The following OTOG variants were observed in gnomAD, a reference collection of about 807,000 sequenced individuals.
The protein encoded by OTOG is otogelin.
A neutral mutation model predicts 313.8 loss-of-function variants in OTOG; 296 were observed. The ratio of observed to expected loss-of-function variants is 0.94; its 90% confidence interval spans 0.86 to 1.04. The LOEUF is 1.04. Among genes scored for constraint, OTOG ranks in the 50% least tolerant of loss-of-function variants. The pLI is 0.00. For missense variants in OTOG, 3,948 were observed against 3,840.1 expected (o/e 1.03, Z -0.74); for synonymous variants, 1,533 against 1,554.9 (o/e 0.99, Z 0.33).
At chr11:17,559,197 C>A in intron 11 of OTOG, 36 bp downstream of exon 11, 1 of 1,453,842 alleles carries the variant, frequency 6.9e-7, no homozygotes, top group Non-Finnish European at 9.3e-7. Flanking sequence ...GGGAGGCCTT[C>A]AGGCTGTGGG....
intron 34 of OTOG, 48 bp from the exon 35 acceptor site, chr11:17,609,082 C>T: frequency 7.0e-7 from 1 of 1,423,748 alleles, no homozygotes; most frequent in Non-Finnish European, 9.7e-7. Flanking sequence ...AAAGAGATGG[C>T]CCTGCCTGTA....
At chr11:17,602,475 A>G in intron 32 of OTOG, 98 bp downstream of exon 32, 1 of 1,339,746 alleles carries the variant, frequency 7.5e-7, no homozygotes, top group Admixed American at 2.7e-5. Context: ...TAGTGGCCGG[A>G]GAAATAGGGG....
Position 17,573,250 on chromosome 11 carries a change from T to C in OTOG, c.2253T>C (p.His751=), listed in dbSNP as rs1251189812. 1.5e-5 allele frequency: 23 copies of C among 1,532,154 alleles called. No individual in the cohort carries two copies. In the East Asian group the frequency reaches 3.7e-4, roughly 25 times the overall value. The allele number at this position is 1,532,154 out of a possible 1,614,324, so 94.9% of individuals were successfully genotyped here. Residue 751 remains histidine (H), a synonymous_variant, in exon 19 of 56, where the codon CAT becomes CAC. Transcript: ENST00000399397. ...LAHYAHLCRR[H]GLPVDFRARL... Reference sequence around the variant, plus strand: ...ACTACGCCCACCTGTGCCGGCGCCATGGGCTCCCCGTTGATTTCCGCGCCC... The same window carrying C: ...ACTACGCCCACCTGTGCCGGCGCCACGGGCTCCCCGTTGATTTCCGCGCCC...
chr11:17,609,574 C>A, intron 35 of OTOG, 81 bp from the exon 36 acceptor site: 1 of 1,288,852 alleles, frequency 7.8e-7, no homozygotes. Context: ...GTCCTCAAGC[C>A]TCACACCACA....
At chr11:17,553,258 G>A in intron 5 of OTOG, 47 bp downstream of exon 5, 1 of 1,540,912 alleles carries the variant, frequency 6.5e-7, no homozygotes, top group Non-Finnish European at 8.8e-7. Context: ...CTGGGTGCAG[G>A]GAAAGCTAGG....
rs764193229 is a variant in OTOG at position 17,641,889 on chromosome 11, G to A, written c.8233G>A (p.Gly2745Ser). 2.3e-5 allele frequency: 35 copies of A among 1,550,168 alleles called. 1 individual carries two copies. Among genetic ancestry groups the A allele is most frequent in the African/African-American group, 8.2e-5 (6 of 72,996 alleles). ...EHPRDLAACC[G>S]SCRNVSCLFT... Reference sequence around the variant, plus strand: ...CCCGCGGGACCTCGCTGCCTGCTGCGGCTCCTGCAGGAACGTGTCCTGTCT... The same window carrying A: ...CCCGCGGGACCTCGCTGCCTGCTGCAGCTCCTGCAGGAACGTGTCCTGTCT... The change falls in exon 52 of 56, where the codon GGC (glycine) becomes AGC (serine). Residue 2745 changes from glycine (G) to serine (S), a missense_variant. Coordinates refer to ENST00000399397, the MANE Select transcript of OTOG (RefSeq NM_001292063.2).
Position 17,593,660 on chromosome 11 carries a change from G to A in OTOG, c.3192G>A (p.Val1064=), listed in dbSNP as rs1487305396. Residue 1064 remains valine (V), a synonymous_variant, in exon 27 of 56, where the codon GTG becomes GTA. Transcript: ENST00000399397. The part of the protein sequence containing the change: ...DDKQEVHTWR[V]GFFTLVHFPQ... The stretch of plus-strand genomic sequence containing the variant: ...AGCAGGAGGTCCACACATGGCGAGT[G>A]GGATTTTTCACACTGGTGCATTTCC... 7 of 1,549,116 alleles carry A rather than the reference G, an allele frequency of 4.5e-6. No homozygotes were observed. The highest frequency in any genetic ancestry group is 1.2e-5 in the South Asian group (1 of 83,988).
Position 17,612,640 on chromosome 11 carries a change from G to A in OTOG, c.6313G>A (p.Asp2105Asn), listed in dbSNP as rs1157415092. 6.4e-7 allele frequency: 1 copy of A among 1,550,560 alleles called. No individual in the cohort carries two copies. Among genetic ancestry groups the A allele is most frequent in the Admixed American group, 2.0e-5 (1 of 50,986 alleles). The change falls in exon 38 of 56, where the codon GAC becomes AAC. Residue 2105 changes from aspartate to asparagine, a missense_variant. Physicochemically the swap from Asp to Asn is conservative, Grantham distance 23. Transcript: ENST00000399397. ...CCCAGGCCGGTGCTCAATCTTCCCT[G>A]ACCTGAGCTTCGTGACCTTCGATGG... ...ECACRCSIFP[D>N]LSFVTFDGSH...
intron 33 of OTOG, among the ~76,000 whole-genome samples, chr11:17,608,063 C>A (rs983192905): frequency 1.3e-5 from 2 of 152,118 alleles, no homozygotes; most frequent in Non-Finnish European, 2.9e-5. Context: ...TGTCCTCAGT[C>A]CTTCCCTGTC....
rs1374209189 is a variant in OTOG at position 17,548,261 on chromosome 11, A to G, written c.216+49A>G. 5 of 1,468,586 alleles carry G rather than the reference A, an allele frequency of 3.4e-6. No individual in the cohort carries two copies. The Admixed American group carries it at 8.7e-5, about 26-fold the overall frequency. 91.0% of individuals were successfully genotyped at this position (1,468,586 alleles called of 1,614,324 possible). ...CTTCATTGAGCAGGAGCTCATGTCT[A>G]TCTGGATCTGAGGCTGGCAGGGAGC... On this transcript the variant is annotated intron_variant, in intron 3 of 55. Transcript: ENST00000399397.
chr11:17,616,778 A>G (rs1249283678), intron 39 of OTOG, among the ~76,000 whole-genome samples: 2 of 152,222 alleles, frequency 1.3e-5, no homozygotes, highest in Non-Finnish European at 2.9e-5. Context: ...GGGTTTTTCT[A>G]CATAGACAAT....
intron 32 of OTOG, among the ~76,000 whole-genome samples, chr11:17,605,240 C>G (rs1853353326): frequency 6.6e-6 from 1 of 152,224 alleles, no homozygotes; most frequent in South Asian, 2.1e-4. Flanking sequence ...TAGAACTGGG[C>G]AGTTATGGAG....
chr11:17,570,226 C>CCGTA lies in OTOG; in HGVS notation c.1792_1795dup (p.Arg599ThrfsTer2). 6.4e-7 allele frequency: 1 copy of CCGTA among 1,550,686 alleles called. No individual in the cohort carries two copies. Among genetic ancestry groups the CCGTA allele is most frequent in the Non-Finnish European group, 8.7e-7 (1 of 1,146,950 alleles). ...TTCTGTGCCCAGATGCCTTTGAGAT[C>CCGTA]CGTAGGCTGTCCTCCGTGTTCCTGC... On this transcript the variant is annotated frameshift_variant, in exon 17 of 56. Transcript: ENST00000399397. LOFTEE classifies it high-confidence loss of function.
intron 32 of OTOG, 151 bp from the exon 33 acceptor site, chr11:17,605,706 G>A: frequency 1.2e-6 from 1 of 820,964 alleles, no homozygotes; most frequent in African/African-American, 1.7e-5. Context: ...AGAGTAGGTG[G>A]GCTGGGGGCT....
chr11:17,562,820 C>T (rs905014145), intron 15 of OTOG, among the ~76,000 whole-genome samples: 1 of 152,104 alleles, frequency 6.6e-6, no homozygotes, highest in African/African-American at 2.4e-5. Context: ...TCCTTTTGTC[C>T]TTCCTTCTGC....
chr11:17,638,356 G>T (rs954464762), intron 47 of OTOG, 95 bp from the exon 48 acceptor site: 11 of 1,057,526 alleles, frequency 1.0e-5, no homozygotes, highest in African/African-American at 1.6e-5. Context: ...AGGAGGAGCT[G>T]GGGGTAGCCT....
chr11:17,635,801 C>G, intron 47 of OTOG, 90 bp downstream of exon 47: 1 of 1,072,176 alleles, frequency 9.3e-7, no homozygotes, highest in South Asian at 1.4e-5. Flanking sequence ...TGACAGGGAG[C>G]AACAGAGCGC....
At position 17,553,448 on chromosome 11, in the gene OTOG, T is replaced by C. The variant is rs1851989228; in HGVS notation, c.469T>C (p.Tyr157His). 1.4e-6 allele frequency: 2 copies of C among 1,471,150 alleles called. No individual in the cohort carries two copies. Among genetic ancestry groups the C allele is most frequent in the South Asian group, 1.4e-5 (1 of 70,318 alleles). 91.1% of individuals were successfully genotyped at this position (1,471,150 alleles called of 1,614,324 possible). ...HVETFDGLYY[Y>H]LSGKGSYTLV... is the part of the protein sequence containing the mutation. ...GGAGACATTTGATGGGCTCTACTAC[T>C]ACCTCTCCGGAAAGGGCAGCTACAC... The change falls in exon 6 of 56, where the codon TAC (tyrosine) becomes CAC (histidine). Residue 157 changes from tyrosine (Y) to histidine (H), a missense_variant. Physicochemically the swap from Tyr to His is moderately conservative, Grantham distance 83. Coordinates refer to ENST00000399397, the MANE Select transcript of OTOG (RefSeq NM_001292063.2).
chr11:17,585,059 G>C (rs1852760911), intron 23 of OTOG, among the ~76,000 whole-genome samples: 1 of 152,126 alleles, frequency 6.6e-6, no homozygotes, highest in African/African-American at 2.4e-5. Flanking sequence ...AAATGAGTTG[G>C]GAAGTATGAT....
Sources: allele counts gnomAD v4.1 joint callset (sites outside exome capture counted in the v4.1 genomes callset), GRCh38; gene constraint gnomAD v4.1.1; transcripts MANE v1.5; gene names NCBI Gene and HGNC (gene_info 2026-07-23, HGNC 2026-07-21).